Variants in NCKAP5 observed in about 807,000 individuals in gnomAD.
NCKAP5 encodes the protein nck-associated protein 5.
Under a neutral mutation model 167.0 loss-of-function variants are expected in NCKAP5, and 92 were observed. The observed-to-expected ratio is 0.55, with a 90% CI of 0.47 to 0.66. The LOEUF (loss-of-function observed/expected upper bound fraction) is 0.66. NCKAP5 is among the 30% of genes least tolerant of loss of function. NCKAP5 has a pLI of 0.00. For synonymous variants in NCKAP5, 891 were observed against 877.4 expected (o/e 1.02, Z -0.27); for missense variants, 2,378 against 2,315.0 (o/e 1.03, Z -0.56).
chr2:133,510,230 G>A (rs1237460968), intron 3 of NCKAP5, among the ~76,000 whole-genome samples: 4 of 152,160 alleles, frequency 2.6e-5, no homozygotes, highest in Non-Finnish European at 5.9e-5. Flanking sequence ...CCCACTGCAT[G>A]CTGGGGGACG....
chr2:132,748,317 A>G (rs1289057727), intron 16 of NCKAP5, among the ~76,000 whole-genome samples: 1 of 152,214 alleles, frequency 6.6e-6, no homozygotes, highest in Non-Finnish European at 1.5e-5. Context: ...TATCTCTTGG[A>G]AAATGCTGTT....
At chr2:133,041,045 A>G (rs2079203480) in intron 6 of NCKAP5, among the ~76,000 whole-genome samples, 1 of 152,182 alleles carries the variant, frequency 6.6e-6, no homozygotes, top group Non-Finnish European at 1.5e-5. Flanking sequence ...GCAACATCCT[A>G]AGAATAGTGA....
intron 6 of NCKAP5, among the ~76,000 whole-genome samples, chr2:133,054,276 A>G (rs889243061): frequency 2.0e-5 from 3 of 152,154 alleles, no homozygotes; most frequent in African/African-American, 7.2e-5. Flanking sequence ...ATGGTATGTT[A>G]CCTCCCCACC....
At chr2:133,008,030 T>C (rs550393542) in intron 6 of NCKAP5, among the ~76,000 whole-genome samples, 2 of 152,286 alleles carry the variant, frequency 1.3e-5, no homozygotes, top group South Asian at 4.2e-4. Flanking sequence ...GTCTTCTATG[T>C]GTGCATTGTG....
intron 2 of NCKAP5, among the ~76,000 whole-genome samples, chr2:133,553,519 T>A (rs989339507): frequency 6.6e-6 from 1 of 152,020 alleles, no homozygotes; most frequent in Non-Finnish European, 1.5e-5. Context: ...GGAATTACGG[T>A]GGTTGTGGAT....
intron 3 of NCKAP5, among the ~76,000 whole-genome samples, chr2:133,383,429 G>A (rs1686676972): frequency 6.6e-6 from 1 of 152,198 alleles, no homozygotes; most frequent in African/African-American, 2.4e-5. Context: ...ATTCCATGGT[G>A]TATATGTGCC....
intron 8 of NCKAP5, 58 bp downstream of exon 8, chr2:132,963,662 A>G: frequency 1.3e-6 from 2 of 1,559,156 alleles, no homozygotes; most frequent in Non-Finnish European, 1.8e-6. Context: ...AGTGCCAATA[A>G]AAGAAGCAGA....
intron 16 of NCKAP5, among the ~76,000 whole-genome samples, chr2:132,734,859 C>A (rs1358554439): frequency 6.6e-6 from 1 of 151,782 alleles, no homozygotes; most frequent in Non-Finnish European, 1.5e-5. Flanking sequence ...CACAAGTAAA[C>A]CCCAAAGTGG....
intron 16 of NCKAP5, among the ~76,000 whole-genome samples, chr2:132,736,343 A>C (rs2105529079): frequency 6.6e-6 from 1 of 152,352 alleles, no homozygotes; most frequent in East Asian, 1.9e-4. Context: ...ACAAGTGTTA[A>C]GATATTGTAC....
At position 133,558,704 on chromosome 2, in the gene NCKAP5, C is replaced by CAAAAAAAAAAAAAAAAAAAAAAA. The variant is rs60051493; in HGVS notation, c.-62+345_-62+346insTTTTTTTTTTTTTTTTTTTTTTT. ...ACATAAACAGATGCAATGTGCTGAG[C>CAAAAAAAAAAAAAAAAAAAAAAA]AAAAAAAAAAAAAAAAAAAAAAGCC... On this transcript the variant is annotated intron_variant, in intron 2 of 19. Transcript: ENST00000409261. Among the ~76,000 whole-genome samples the CAAAAAAAAAAAAAAAAAAAAAAA allele has an allele frequency of 2.2e-4, 11 of 50,870 alleles. 1 individual carries two copies. The highest frequency in any genetic ancestry group is 4.1e-4 in the African/African-American group (5 of 12,312). 33.4% of individuals were successfully genotyped at this position (50,870 alleles called of 152,430 possible). A position where few individuals can be genotyped will look rare whatever the true frequency, so the allele number is the denominator to read the frequency against.
chr2:132,796,278 A>G (rs1574252230), intron 12 of NCKAP5, among the ~76,000 whole-genome samples: 1 of 152,230 alleles, frequency 6.6e-6, no homozygotes, highest in East Asian at 1.9e-4. Flanking sequence ...AATTTTTAAA[A>G]GTTCATACAT....
intron 8 of NCKAP5, among the ~76,000 whole-genome samples, chr2:132,936,059 G>C (rs530226465): frequency 2.0e-5 from 3 of 149,606 alleles, no homozygotes; most frequent in Non-Finnish European, 4.4e-5. Flanking sequence ...TCAGCTCACT[G>C]TAACGTCTGC....
intron 2 of NCKAP5, among the ~76,000 whole-genome samples, chr2:133,557,075 G>A (rs140744530): frequency 6.6e-6 from 1 of 152,138 alleles, no homozygotes; most frequent in African/African-American, 2.4e-5. Flanking sequence ...CACATGCCTA[G>A]CAATGGAGAG....
intron 5 of NCKAP5, among the ~76,000 whole-genome samples, chr2:133,184,896 C>T (rs1325766695): frequency 6.6e-6 from 1 of 152,036 alleles, no homozygotes; most frequent in Non-Finnish European, 1.5e-5. Context: ...TTGCAAATAT[C>T]TTCTCCCAAC....
At chr2:133,227,157 C>T (rs1268324987) in intron 4 of NCKAP5, among the ~76,000 whole-genome samples, 1 of 152,156 alleles carries the variant, frequency 6.6e-6, no homozygotes, top group African/African-American at 2.4e-5. Flanking sequence ...AAAATCTTTA[C>T]TGCAAAGTGG....
intron 6 of NCKAP5, among the ~76,000 whole-genome samples, chr2:133,126,753 T>A (rs1188051288): frequency 4.6e-5 from 7 of 152,210 alleles, no homozygotes; most frequent in Non-Finnish European, 8.8e-5. Flanking sequence ...TATTACTTGT[T>A]TCTTTTTTTC....
rs546982043 is a variant in NCKAP5, at chr2:133,134,453, T to A, written c.208-4342A>T. ...GTTTCCCCCAAAAGCTTTGTGGTTT[T>A]CACTGTGTGGTTTTACAGAGTGCAG... On this transcript the variant is annotated intron_variant, in intron 5 of 19. Transcript: ENST00000409261. 1.8e-4 allele frequency among the ~76,000 whole-genome samples: 27 copies of A among 152,352 alleles called. 1 individual carries two copies. The South Asian group carries it at 5.6e-3, about 32-fold the overall frequency.
At chr2:132,895,833 AC>A (rs546688916) in intron 8 of NCKAP5, among the ~76,000 whole-genome samples, 13,231 of 118,814 alleles carry the variant, frequency 0.11, 742 homozygotes, top group African/African-American at 0.16. Context: ...AAAAAAAAAA[AC>A]AAAAAAAAAA....
chr2:132,962,597 G>T (rs977274829), intron 8 of NCKAP5, among the ~76,000 whole-genome samples: 3 of 133,670 alleles, frequency 2.2e-5, no homozygotes, highest in Non-Finnish European at 3.3e-5. Context: ...TTGTTTTTTT[G>T]TTTGTTTGTT....
Sources: gnomAD v4.1 joint callset for allele counts (sites outside exome capture counted in the v4.1 genomes callset) on GRCh38, gnomAD v4.1.1 for gene constraint, MANE v1.5 for transcripts, NCBI Gene and HGNC (gene_info 2026-07-23, HGNC 2026-07-21) for gene names.